Variants in DENND1A observed in about 807,000 individuals in gnomAD.
DENND1A encodes the protein DENN domain containing 1A.
DENND1A carries 51 observed loss-of-function variants against 113.7 expected under a neutral mutation model. The ratio of observed to expected loss-of-function variants is 0.45; its 90% CI spans 0.36 to 0.57. The LOEUF is 0.57. Ranked by LOEUF, DENND1A falls within the 20% of genes least tolerant of loss-of-function variation. The pLI is 0.00. For missense variants in DENND1A, 1,258 were observed against 1,395.9 expected (o/e 0.90, Z 1.57); for synonymous variants, 565 against 570.8 (o/e 0.99, Z 0.14).
intron 11 of DENND1A, among the ~76,000 whole-genome samples, chr9:123,600,745 C>T (rs559775835): frequency 4.6e-5 from 7 of 152,024 alleles, no homozygotes; most frequent in African/African-American, 1.4e-4. Flanking sequence ...GCAGGAGAAT[C>T]GCTTGAACCC....
intron 4 of DENND1A, among the ~76,000 whole-genome samples, chr9:123,765,178 C>T (rs1416113160): frequency 1.3e-5 from 2 of 152,132 alleles, no homozygotes; most frequent in African/African-American, 4.8e-5. Context: ...TGTTAGGCTA[C>T]TTATGCTGTG....
chr9:123,625,261 T>C (rs1230542775), intron 10 of DENND1A, among the ~76,000 whole-genome samples: 1 of 152,234 alleles, frequency 6.6e-6, no homozygotes, highest in East Asian at 1.9e-4. Context: ...AGTATCTGCC[T>C]TGCAGGGTTG....
intron 1 of DENND1A, chr9:123,928,612 A>C (rs1323372757): frequency 4.1e-6 from 4 of 985,304 alleles, no homozygotes; most frequent in Non-Finnish European, 4.8e-6. Context: ...AAACTTTTCT[A>C]GTTTCATTCA....
At chr9:123,625,712 C>T (rs995213650) in intron 10 of DENND1A, among the ~76,000 whole-genome samples, 12 of 152,146 alleles carry the variant, frequency 7.9e-5, no homozygotes, top group African/African-American at 2.9e-4. Flanking sequence ...CCACTGCATT[C>T]CAGCCTGGGT....
intron 5 of DENND1A, among the ~76,000 whole-genome samples, chr9:123,692,546 C>T (rs1483091803): frequency 4.6e-5 from 7 of 152,174 alleles, no homozygotes; most frequent in Non-Finnish European, 7.3e-5. Context: ...TGACTCTTTC[C>T]GAGCTAACAC....
chr9:123,719,055 C>T (rs2067162291), intron 5 of DENND1A, among the ~76,000 whole-genome samples: 1 of 152,170 alleles, frequency 6.6e-6, no homozygotes, highest in African/African-American at 2.4e-5. Context: ...CTCTTGCCTG[C>T]CGCCATGTAA....
At chr9:123,546,890 A>G (rs1441806432) in intron 13 of DENND1A, among the ~76,000 whole-genome samples, 4 of 152,232 alleles carry the variant, frequency 2.6e-5, no homozygotes, top group Non-Finnish European at 5.9e-5. Context: ...CATATGGGAA[A>G]TTTCATTTTG....
chr9:123,579,157 G>A (rs2058765293), intron 12 of DENND1A, among the ~76,000 whole-genome samples: 1 of 152,164 alleles, frequency 6.6e-6, no homozygotes, highest in African/African-American at 2.4e-5. Context: ...ATCATCATCA[G>A]CTACTGTCGA....
intron 10 of DENND1A, among the ~76,000 whole-genome samples, chr9:123,610,857 A>T (rs2060386709): frequency 6.6e-6 from 1 of 152,240 alleles, no homozygotes; most frequent in African/African-American, 2.4e-5. Context: ...CCTGAAAGCA[A>T]TGGATAGGCA....
Position 123,381,395 on chromosome 9 carries a change from T to A in DENND1A, c.*37A>T. The A allele has an allele frequency of 1.3e-6, 2 of 1,592,876 alleles. No homozygotes were observed. The highest frequency in any genetic ancestry group is 2.3e-5 in the South Asian group (2 of 88,780). On this transcript the variant is annotated 3_prime_UTR_variant, in exon 24 of 24. Coordinates refer to ENST00000394215, the MANE Select transcript of DENND1A (RefSeq NM_001352964.2). This position sits in a 1 kb window ranked among gnomAD's most constrained non-coding sequence, Gnocchi z 4.7. ...CGGAACCGCAGCAGTGGACGGACCC[T>A]CGGGCCTCGGTGCATCCCCCACCCT...
chr9:123,894,736 T>G (rs564429752), intron 1 of DENND1A, among the ~76,000 whole-genome samples: 1 of 152,316 alleles, frequency 6.6e-6, no homozygotes, highest in South Asian at 2.1e-4. Context: ...AAAATGTAAT[T>G]TCTTTTCAAA....
intron 19 of DENND1A, among the ~76,000 whole-genome samples, chr9:123,432,763 C>T (rs541808241): frequency 6.6e-6 from 1 of 152,366 alleles, no homozygotes; most frequent in South Asian, 2.1e-4. Context: ...TAGGTACCTT[C>T]TGCCCCAACC....
At chr9:123,817,648 G>A (rs1353581599) in intron 2 of DENND1A, among the ~76,000 whole-genome samples, 2 of 152,114 alleles carry the variant, frequency 1.3e-5, no homozygotes, top group African/African-American at 4.8e-5. Context: ...CAGCTCTCTG[G>A]AATATGATTA....
chr9:123,383,062 G>A (rs2042364258), intron 23 of DENND1A, among the ~76,000 whole-genome samples: 1 of 152,168 alleles, frequency 6.6e-6, no homozygotes. Flanking sequence ...CAAGCCACAC[G>A]GCCCGGGTGC....
chr9:123,530,962 T>C (rs1018301149), intron 13 of DENND1A, among the ~76,000 whole-genome samples: 2 of 152,214 alleles, frequency 1.3e-5, no homozygotes, highest in Non-Finnish European at 2.9e-5. Context: ...ATTTTTATGG[T>C]TGACCTTGAT....
At chr9:123,768,226 T>C (rs1476532727) in intron 4 of DENND1A, among the ~76,000 whole-genome samples, 2 of 152,178 alleles carry the variant, frequency 1.3e-5, no homozygotes, top group Admixed American at 1.3e-4. Flanking sequence ...TAATGGTTGA[T>C]TGGCTTAAGA....
intron 9 of DENND1A, among the ~76,000 whole-genome samples, chr9:123,630,821 A>C (rs562613931): frequency 6.6e-6 from 1 of 152,256 alleles, no homozygotes; most frequent in Non-Finnish European, 1.5e-5. Context: ...TAGGATGACT[A>C]TACAGTATTC....
chr9:123,807,563 T>C lies in DENND1A; in HGVS notation c.89-14933A>G, dbSNP rs184596388. On this transcript the variant is annotated intron_variant, in intron 2 of 23. Coordinates refer to ENST00000394215, the MANE Select transcript of DENND1A (RefSeq NM_001352964.2). Reference sequence around the variant, plus strand: ...GACCAGAACCCATGTCTCCTTACCATCTGTGCTCTTGCCACAGATAAAGGC... The same window carrying C: ...GACCAGAACCCATGTCTCCTTACCACCTGTGCTCTTGCCACAGATAAAGGC... 2.4e-4 allele frequency among the ~76,000 whole-genome samples: 36 copies of C among 152,366 alleles called. 1 individual carries two copies. The highest frequency in any genetic ancestry group is 4.1e-4 in the Non-Finnish European group (28 of 68,038).
intron 5 of DENND1A, among the ~76,000 whole-genome samples, chr9:123,727,047 T>G (rs1392297404): frequency 2.0e-5 from 3 of 152,202 alleles, no homozygotes; most frequent in Non-Finnish European, 4.4e-5. Flanking sequence ...ATTTACCCAG[T>G]TGTCACAAGA....
Sources: allele counts gnomAD v4.1 joint callset (sites outside exome capture counted in the v4.1 genomes callset), GRCh38; gene constraint gnomAD v4.1.1; non-coding constraint Gnocchi (gnomAD v3.1); transcripts MANE v1.5; gene names NCBI Gene and HGNC (gene_info 2026-07-23, HGNC 2026-07-21).